PPP1R21: variants seen among roughly 807,000 people sequenced by gnomAD.
PPP1R21 encodes protein phosphatase 1 regulatory subunit 21.
Under a neutral mutation model 112.8 loss-of-function variants are expected in PPP1R21, and 85 were observed. That is an observed-to-expected ratio of 0.75 (90% CI 0.63 to 0.90). The LOEUF (loss-of-function observed/expected upper bound fraction) is 0.90. Among genes scored for constraint, PPP1R21 ranks in the 40% least tolerant of loss-of-function variants. The pLI, the probability that PPP1R21 is intolerant of heterozygous loss-of-function variation, is 0.00. For synonymous variants in PPP1R21, 381 were observed against 322.3 expected (o/e 1.18, Z -1.95); for missense variants, 1,199 against 901.5 (o/e 1.33, Z -4.23).
chr2:48,441,144 C>T (rs552246423), intron 1 of PPP1R21, 134 bp downstream of exon 1: 1 of 690,398 alleles, frequency 1.4e-6, no homozygotes, highest in Non-Finnish European at 2.6e-6. Context: ...TCAGCCGTCT[C>T]CGTCCACCAT....
chr2:48,468,897 G>A (rs1184190433), intron 9 of PPP1R21, among the ~76,000 whole-genome samples: 4 of 150,856 alleles, frequency 2.7e-5, no homozygotes, highest in East Asian at 2.0e-4. Flanking sequence ...GTATAAGTCC[G>A]TCTTCACGCT....
intron 1 of PPP1R21, among the ~76,000 whole-genome samples, chr2:48,444,398 T>A (rs985083824): frequency 6.6e-6 from 1 of 152,156 alleles, no homozygotes; most frequent in African/African-American, 2.4e-5. Context: ...ACATTATAGA[T>A]TAAGGATGAA....
intron 1 of PPP1R21, among the ~76,000 whole-genome samples, chr2:48,443,940 C>A (rs1479488675): frequency 6.6e-6 from 1 of 152,118 alleles, no homozygotes; most frequent in African/African-American, 2.4e-5. Flanking sequence ...GATCCCTAAG[C>A]CAAGGACATT....
Position 48,470,975 on chromosome 2 carries a change from G to A in PPP1R21, c.898-112G>A, listed in dbSNP as rs1437572560. On this transcript the variant is annotated intron_variant, in intron 9 of 21. Coordinates refer to ENST00000294952, the MANE Select transcript of PPP1R21 (RefSeq NM_001135629.3). ...GCACAGGAGTTTGAGGCTGCAGTGA[G>A]CCATTATCAGGTTTACAATTTAGGT... 7 of 719,520 alleles carry A rather than the reference G, an allele frequency of 9.7e-6. No homozygotes were observed. In the East Asian group the frequency reaches 1.1e-4, roughly 11 times the overall value. 44.6% of individuals were successfully genotyped at this position (719,520 alleles called of 1,614,324 possible).
At chr2:48,505,152 T>A (rs998052146) in intron 17 of PPP1R21, among the ~76,000 whole-genome samples, 4 of 152,252 alleles carry the variant, frequency 2.6e-5, no homozygotes, top group African/African-American at 9.6e-5. Context: ...CTAGAGTGTT[T>A]ATTATTTGCA....
intron 15 of PPP1R21, among the ~76,000 whole-genome samples, chr2:48,492,672 G>C (rs1669624422): frequency 6.6e-6 from 1 of 152,180 alleles, no homozygotes; most frequent in Admixed American, 6.5e-5. Context: ...AGTTTTAATA[G>C]TAGTTGCTAG....
At chr2:48,460,209 GT>G in intron 6 of PPP1R21, 56 bp downstream of exon 6, 1 of 1,565,270 alleles carries the variant, frequency 6.4e-7, no homozygotes. Flanking sequence ...GAAGACATGG[GT>G]TTTGGTTGTA....
chr2:48,454,778 C>A, intron 3 of PPP1R21, 37 bp downstream of exon 3: 1 of 1,527,344 alleles, frequency 6.5e-7, no homozygotes, highest in South Asian at 1.1e-5. Context: ...GTGACCTTGT[C>A]GTTAGTTACT....
chr2:48,484,809 C>T (rs1288785487), intron 13 of PPP1R21, among the ~76,000 whole-genome samples: 3 of 152,188 alleles, frequency 2.0e-5, no homozygotes, highest in Non-Finnish European at 4.4e-5. Context: ...GCCACTGCAT[C>T]CTGCCAAGAG....
At chr2:48,495,579 TTTA>T in intron 15 of PPP1R21, 97 bp from the exon 16 acceptor site, 1 of 688,208 alleles carries the variant, frequency 1.5e-6, no homozygotes, top group Non-Finnish European at 2.6e-6. Context: ...TACATCTGAA[TTTA>T]TTGTCACACC....
intron 1 of PPP1R21, among the ~76,000 whole-genome samples, chr2:48,447,341 C>T (rs1667292910): frequency 6.6e-6 from 1 of 152,174 alleles, no homozygotes; most frequent in Non-Finnish European, 1.5e-5. Flanking sequence ...CAGAAAATTA[C>T]AAAACAAGGA....
intron 12 of PPP1R21, among the ~76,000 whole-genome samples, chr2:48,476,289 A>G (rs75426937): frequency 4.5e-4 from 68 of 152,314 alleles, no homozygotes; most frequent in Middle Eastern, 3.4e-3. Flanking sequence ...TCAGTACTCA[A>G]TTTTTATTGC....
intron 2 of PPP1R21, among the ~76,000 whole-genome samples, chr2:48,452,796 C>A (rs56226059): frequency 6.6e-6 from 1 of 151,786 alleles, no homozygotes; most frequent in Non-Finnish European, 1.5e-5. Flanking sequence ...TGCCTTTGAA[C>A]TACAAGTAAA....
At chr2:48,492,123 G>A (rs1669593621) in intron 15 of PPP1R21, among the ~76,000 whole-genome samples, 1 of 152,060 alleles carries the variant, frequency 6.6e-6, no homozygotes, top group East Asian at 1.9e-4. Flanking sequence ...ATCTTTAAAC[G>A]TTTTAACTAT....
intron 14 of PPP1R21, among the ~76,000 whole-genome samples, chr2:48,490,223 A>G (rs1669499721): frequency 5.9e-5 from 7 of 118,174 alleles, no homozygotes; most frequent in Non-Finnish European, 2.0e-5. Flanking sequence ...CGACTCAAAA[A>G]AAAAAAAAAA....
intron 9 of PPP1R21, among the ~76,000 whole-genome samples, chr2:48,466,423 C>T (rs995575988): frequency 4.0e-5 from 6 of 151,462 alleles, no homozygotes; most frequent in South Asian, 2.1e-4. Flanking sequence ...GCCAGGGTTT[C>T]GCCATGTTGG....
chr2:48,504,623 A>G (rs529218981), intron 17 of PPP1R21, among the ~76,000 whole-genome samples: 2 of 152,186 alleles, frequency 1.3e-5, no homozygotes, highest in Admixed American at 1.3e-4. Flanking sequence ...CCTGGGCAAC[A>G]GGGTGAGACT....
At chr2:48,456,896 C>G (rs1412632336) in intron 3 of PPP1R21, among the ~76,000 whole-genome samples, 1 of 151,966 alleles carries the variant, frequency 6.6e-6, no homozygotes, top group Non-Finnish European at 1.5e-5. Context: ...ACTAAAAATA[C>G]AAAAAATTAG....
intron 9 of PPP1R21, among the ~76,000 whole-genome samples, chr2:48,467,165 T>C (rs566363267): frequency 6.6e-6 from 1 of 152,250 alleles, no homozygotes; most frequent in East Asian, 1.9e-4. Flanking sequence ...CCAGTTGAGC[T>C]TGGGGGGCAT....
Sources: allele counts gnomAD v4.1 joint callset (sites outside exome capture counted in the v4.1 genomes callset), GRCh38; gene constraint gnomAD v4.1.1; transcripts MANE v1.5; gene names NCBI Gene and HGNC (gene_info 2026-07-23, HGNC 2026-07-21).